The following HIP1 variants were observed in gnomAD, a reference collection of about 807,000 sequenced individuals.
The protein encoded by HIP1 is huntingtin-interacting protein 1.
In HIP1, 65 loss-of-function variants were observed where a neutral mutation model predicts 147.6. The observed-to-expected ratio is 0.44, with a 90% confidence interval of 0.36 to 0.54. The LOEUF (loss-of-function observed/expected upper bound fraction) is 0.54, where lower values mean the gene tolerates loss of function less well. Ranked by LOEUF, HIP1 falls within the 20% of genes least tolerant of loss-of-function variation. The probability of loss-of-function intolerance (pLI) is 0.00; values close to 1 mark genes in which losing one functional copy is unlikely to be tolerated. For missense variants in HIP1, 1,061 were observed against 1,299.6 expected, an observed-to-expected ratio of 0.82 and a Z score of 2.82; for synonymous variants, 479 against 504.0, an observed-to-expected ratio of 0.95 and a Z score of 0.67.
chr7:75,738,644 TG>T (rs1802105007), intron 1 of HIP1, among the ~76,000 whole-genome samples, 156 bp downstream of exon 1: 1 of 152,058 alleles, frequency 6.6e-6, no homozygotes, highest in Non-Finnish European at 1.5e-5. Context: ...CCGACCTTCC[TG>T]GGATCGCCCA....
chr7:75,560,253 C>T (rs1325165068), intron 13 of HIP1, among the ~76,000 whole-genome samples: 5 of 149,922 alleles, frequency 3.3e-5, no homozygotes, highest in African/African-American at 4.9e-5. Context: ...TTTTTTTTGG[C>T]GGTTGGGGGA....
At chr7:75,561,193 A>G in intron 13 of HIP1, 136 bp downstream of exon 13, 2 of 741,268 alleles carry the variant, frequency 2.7e-6, no homozygotes, top group Non-Finnish European at 4.9e-6. Flanking sequence ...ACCTCAGGTA[A>G]TCCTCCTGCC....
chr7:75,571,562 C>T (rs1795633836), intron 8 of HIP1, among the ~76,000 whole-genome samples: 1 of 152,112 alleles, frequency 6.6e-6, no homozygotes, highest in African/African-American at 2.4e-5. Flanking sequence ...ACAGAGTATA[C>T]TGTCTTATAC....
Position 75,554,204 on chromosome 7 carries a change from G to A in HIP1, c.2067C>T (p.Leu689=), listed in dbSNP as rs1358589193. Residue 689 remains leucine, a synonymous_variant, in exon 21 of 31, where the codon CTC becomes CTT. Transcript: ENST00000336926. ...LACPEDISGL[L]HSITLLAHLT... ...AGTGGGCCAGCAGGGTTATGGAATGGAGAAGTCCACTGATGTCTGCCAGGA... is the reference window on the plus strand; with the variant it reads ...AGTGGGCCAGCAGGGTTATGGAATGAAGAAGTCCACTGATGTCTGCCAGGA... 2 of 1,613,732 alleles carry A rather than the reference G, an allele frequency of 1.2e-6. No homozygotes were observed. Among genetic ancestry groups the A allele is most frequent in the African/African-American group, 1.3e-5 (1 of 74,944 alleles).
intron 1 of HIP1, among the ~76,000 whole-genome samples, chr7:75,727,951 A>G (rs986319474): frequency 2.6e-5 from 4 of 152,166 alleles, no homozygotes; most frequent in Admixed American, 1.3e-4. Context: ...AGATACAGAA[A>G]GAAAGTATAA....
At chr7:75,695,864 CGTGCCTGGCTGGTACTG>C (rs1554518699) in intron 1 of HIP1, among the ~76,000 whole-genome samples, 1 of 151,948 alleles carries the variant, frequency 6.6e-6, no homozygotes, top group African/African-American at 2.4e-5. Context: ...CATGAGCCAC[CGTGCCTGGCTGGTACTG>C]GTTCTTAGAC....
intron 1 of HIP1, among the ~76,000 whole-genome samples, chr7:75,675,063 T>C (rs1554515815): frequency 2.0e-5 from 3 of 152,152 alleles, no homozygotes; most frequent in Admixed American, 1.3e-4. Context: ...ACTCCTATTA[T>C]ACGTATGTTG....
intron 2 of HIP1, among the ~76,000 whole-genome samples, chr7:75,594,903 T>G (rs1554501559): frequency 6.6e-6 from 1 of 152,218 alleles, no homozygotes; most frequent in African/African-American, 2.4e-5. Flanking sequence ...TTCAACAAGA[T>G]TCACAGACCC....
Position 75,536,027 on chromosome 7 carries a change from T to C in HIP1, c.*2145A>G, listed in dbSNP as rs1794072746. On this transcript the variant is annotated 3_prime_UTR_variant, in exon 31 of 31. Transcript: ENST00000336926. ...CTGTGCCCGGCCACCCCTTGGTAAT[T>C]GGGAACATATGAGTTAGAATGGCTG... 1 of 182,070 alleles carries C rather than the reference T, an allele frequency of 5.5e-6. No homozygotes were observed. Among genetic ancestry groups the C allele is most frequent in the Non-Finnish European group, 1.2e-5 (1 of 85,500 alleles). The allele number at this position is 182,070 out of a possible 1,614,324, so 11.3% of individuals were successfully genotyped here. A position where few individuals can be genotyped will look rare whatever the true frequency, so the allele number is the denominator to read the frequency against.
intron 1 of HIP1, among the ~76,000 whole-genome samples, chr7:75,733,025 C>T (rs1554523232): frequency 6.6e-6 from 1 of 152,230 alleles, no homozygotes; most frequent in Non-Finnish European, 1.5e-5. Context: ...GGTATGTGCT[C>T]ACTAAACGGA....
intron 1 of HIP1, among the ~76,000 whole-genome samples, chr7:75,663,947 T>TATATGTGTATATACACACACATATAC (rs1799400540): frequency 1.9e-5 from 2 of 104,424 alleles, no homozygotes; most frequent in South Asian, 3.2e-4. Flanking sequence ...TATATATATA[T>TATATGTGTATATACACACACATATAC]ACACATATAT....
At chr7:75,559,699 C>T (rs782631756) in intron 14 of HIP1, 33 bp downstream of exon 14, 6 of 1,226,538 alleles carry the variant, frequency 4.9e-6, no homozygotes, top group Non-Finnish European at 5.7e-6. Context: ...CGCCTGCCCC[C>T]GGGGCCCGCC....
At chr7:75,571,291 A>G (rs1554496605) in intron 8 of HIP1, among the ~76,000 whole-genome samples, 1 of 152,136 alleles carries the variant, frequency 6.6e-6, no homozygotes, top group African/African-American at 2.4e-5. Context: ...CTTGGAAACA[A>G]TGAAAAGTTT....
chr7:75,598,335 T>C (rs1554502366), intron 2 of HIP1, among the ~76,000 whole-genome samples: 1 of 150,068 alleles, frequency 6.7e-6, no homozygotes, highest in Admixed American at 6.6e-5. Flanking sequence ...AGGCAGAGGT[T>C]ACAGTGAGCC....
intron 1 of HIP1, among the ~76,000 whole-genome samples, chr7:75,665,264 T>TA (rs1240142185): frequency 6.6e-6 from 1 of 151,832 alleles, no homozygotes; most frequent in Non-Finnish European, 1.5e-5. Context: ...CCTATCTCTA[T>TA]AAAAAAATAA....
At chr7:75,606,823 A>G (rs1797241983) in intron 1 of HIP1, among the ~76,000 whole-genome samples, 1 of 152,186 alleles carries the variant, frequency 6.6e-6, no homozygotes, top group Non-Finnish European at 1.5e-5. Flanking sequence ...TGTATGAATT[A>G]TCTTATATAA....
At chr7:75,631,357 G>C (rs1798214004) in intron 1 of HIP1, among the ~76,000 whole-genome samples, 1 of 152,162 alleles carries the variant, frequency 6.6e-6, no homozygotes, top group African/African-American at 2.4e-5. Context: ...GAAACAGTAT[G>C]AGGAGATCAA....
In HIP1 at chr7:75,556,040, G is replaced by A. The variant is rs1794990923; in HGVS notation, c.1813C>T (p.Leu605=). ...CCGTGACTTGCCTCTGTGCTGGCCAGTTTGAGCTGAGTGTCCTGCAGTTCT... is the reference window on the plus strand; with the variant it reads ...CCGTGACTTGCCTCTGTGCTGGCCAATTTGAGCTGAGTGTCCTGCAGTTCT... ...RKELQDTQLK[L]ASTEESMCQL... is the part of the protein sequence containing the mutation. Residue 605 remains leucine, a synonymous_variant, in exon 18 of 31, where the codon CTG becomes TTG. Coordinates refer to ENST00000336926, the MANE Select transcript of HIP1 (RefSeq NM_005338.7). The A allele has an allele frequency of 6.2e-7, 1 of 1,614,056 alleles. No homozygotes were observed. Among genetic ancestry groups the A allele is most frequent in the Non-Finnish European group, 8.5e-7 (1 of 1,180,010 alleles).
intron 1 of HIP1, among the ~76,000 whole-genome samples, chr7:75,685,095 A>T (rs976280427): frequency 1.3e-5 from 2 of 152,032 alleles, no homozygotes; most frequent in Non-Finnish European, 2.9e-5. Flanking sequence ...CGTCTCAAAA[A>T]AAATAAATAA....
Sources: gnomAD v4.1 joint callset for allele counts (sites outside exome capture counted in the v4.1 genomes callset) on GRCh38, gnomAD v4.1.1 for gene constraint, MANE v1.5 for transcripts, NCBI Gene and HGNC (gene_info 2026-07-23, HGNC 2026-07-21) for gene names.